FBXO21: variants seen among roughly 807,000 people sequenced by gnomAD.
FBXO21 encodes the protein F-box protein 21.
FBXO21 carries 32 observed loss-of-function variants against 76.6 expected under a neutral mutation model. The observed-to-expected ratio is 0.42, with a 90% CI of 0.32 to 0.56. The LOEUF (loss-of-function observed/expected upper bound fraction) is 0.56, where lower values mean the gene tolerates loss of function less well. Ranked by LOEUF, FBXO21 falls within the 20% of genes least tolerant of loss-of-function variation. FBXO21 has a pLI of 0.16. For missense variants in FBXO21, 586 were observed against 797.3 expected (o/e 0.73, Z 3.19); for synonymous variants, 328 against 311.5 (o/e 1.05, Z -0.56).
chr12:117,189,154 T>G, intron 2 of FBXO21, 73 bp downstream of exon 2: 1 of 1,557,942 alleles, frequency 6.4e-7, no homozygotes, highest in Non-Finnish European at 8.8e-7. Context: ...AAGAGCTGGA[T>G]GAGCTCATGC....
intron 3 of FBXO21, among the ~76,000 whole-genome samples, chr12:117,186,126 C>T (rs2135888273): frequency 6.6e-6 from 1 of 152,320 alleles, no homozygotes; most frequent in East Asian, 1.9e-4. Flanking sequence ...ATCCGCCCAT[C>T]TCGGCCTCCC....
chr12:117,160,149 A>G (rs1955961474), intron 9 of FBXO21, among the ~76,000 whole-genome samples: 1 of 152,172 alleles, frequency 6.6e-6, no homozygotes, highest in African/African-American at 2.4e-5. Flanking sequence ...AAGAGACACT[A>G]GGCTTTGGGG....
At chr12:117,151,026 T>G (rs1592867212) in intron 11 of FBXO21, among the ~76,000 whole-genome samples, 1 of 144,132 alleles carries the variant, frequency 6.9e-6, no homozygotes, top group African/African-American at 2.6e-5. Context: ...ACTGTATGGG[T>G]GGAAAGTTGA....
At position 117,189,211 on chromosome 12, in the gene FBXO21, A is replaced by T. The variant is rs201213329; in HGVS notation, c.375+16T>A. 99 of 1,614,084 alleles carry T rather than the reference A, an allele frequency of 6.1e-5. No individual in the cohort carries two copies. Among genetic ancestry groups the T allele is most frequent in the South Asian group, 2.2e-5 (2 of 91,096 alleles). ...CCAGCAAGCCAAAGCTTAGAGCCAC[A>T]TCAACAGATCCTTACGTGCTCTGAA... On this transcript the variant is annotated intron_variant, in intron 2 of 11. Transcript: ENST00000622495.
chr12:117,185,710 G>A (rs958542069), intron 3 of FBXO21, among the ~76,000 whole-genome samples: 1 of 152,164 alleles, frequency 6.6e-6, no homozygotes, highest in African/African-American at 2.4e-5. Context: ...GAACAAAGTA[G>A]ATTATTTTGT....
intron 2 of FBXO21, 156 bp downstream of exon 2, chr12:117,189,071 A>G: frequency 1.3e-6 from 1 of 797,970 alleles, no homozygotes; most frequent in Admixed American, 2.4e-5. Context: ...GATAGGAGGA[A>G]AAGGACACAA....
At chr12:117,157,782 C>T (rs1955933689) in intron 10 of FBXO21, 91 bp downstream of exon 10, 1 of 1,145,470 alleles carries the variant, frequency 8.7e-7, no homozygotes, top group Non-Finnish European at 1.2e-6. Flanking sequence ...AGCTCCTCCT[C>T]CACTGTGTCC....
intron 11 of FBXO21, among the ~76,000 whole-genome samples, chr12:117,153,179 G>A (rs939900745): frequency 1.3e-4 from 20 of 151,932 alleles, no homozygotes; most frequent in African/African-American, 4.8e-4. Flanking sequence ...GGAGGCAGGT[G>A]CCAGTTAGGA....
chr12:117,145,509 A>C lies in FBXO21; in HGVS notation c.*578T>G, dbSNP rs1286049597. The C allele has an allele frequency of 2.0e-5, 3 of 152,228 alleles. No individual in the cohort carries two copies. The highest frequency in any genetic ancestry group is 4.8e-5 in the African/African-American group (2 of 41,454). The allele number at this position is 152,228 out of a possible 1,614,324, so 9.4% of individuals were successfully genotyped here. A position where few individuals can be genotyped will look rare whatever the true frequency, so the allele number is the denominator to read the frequency against. On this transcript the variant is annotated 3_prime_UTR_variant, in exon 12 of 12. Transcript: ENST00000622495. Reference sequence around the variant, plus strand: ...ATCTGTGTTTCACATATTAGAAAAAAATAAATTCAAATGATTCTAATTACC... The same window carrying C: ...ATCTGTGTTTCACATATTAGAAAAACATAAATTCAAATGATTCTAATTACC...
At position 117,177,973 on chromosome 12, in the gene FBXO21, G is replaced by T. The variant is rs1324999079; in HGVS notation, c.471-332C>A. Among the ~76,000 whole-genome samples, 3 of 152,120 alleles carry T rather than the reference G, an allele frequency of 2.0e-5. No individual in the cohort carries two copies. The South Asian group carries it at 6.2e-4, about 32-fold the overall frequency. On this transcript the variant is annotated intron_variant, in intron 3 of 11. Transcript: ENST00000622495. ...TCTAGAACCTTTTGCTGGTCCCCCT[G>T]CTTGGGCCACTTGGGCCTGGGCACT...
intron 9 of FBXO21, among the ~76,000 whole-genome samples, chr12:117,163,394 G>C (rs370419209): frequency 6.6e-6 from 1 of 151,922 alleles, no homozygotes; most frequent in Admixed American, 6.6e-5. Context: ...TTAACCAGAC[G>C]TGGTGGCACG....
chr12:117,154,793 T>C (rs1210437177), intron 11 of FBXO21, among the ~76,000 whole-genome samples: 1 of 152,204 alleles, frequency 6.6e-6, no homozygotes, highest in Non-Finnish European at 1.5e-5. Context: ...CTGAGGTTTT[T>C]ATACATCCCA....
rs770837174 is a variant in FBXO21, at chr12:117,177,497, C to A, written c.592+23G>T. 3 of 1,605,826 alleles carry A rather than the reference C, an allele frequency of 1.9e-6. No homozygotes were observed. In the South Asian group the frequency reaches 3.3e-5, roughly 18 times the overall value. On this transcript the variant is annotated intron_variant, in intron 4 of 11. Transcript: ENST00000622495. The stretch of plus-strand genomic sequence containing the variant: ...AGTTACCTACAGAAATACTACTGTC[C>A]ACATATATGGGAAAAGACCCACCTT...
At position 117,167,047 on chromosome 12, in the gene FBXO21, G is replaced by A; in HGVS notation, c.1044C>T (p.Tyr348=). 6.2e-7 allele frequency: 1 copy of A among 1,614,092 alleles called. No individual in the cohort carries two copies. The highest frequency in any genetic ancestry group is 8.5e-7 in the Non-Finnish European group (1 of 1,180,016). The part of the protein sequence containing the change: ...GATLDIFDYI[Y]IDAFGKGKQL... ...GCTTGCCTTTCCCAAAAGCATCTATGTAGATGTAGTCAAAGATGTCCAGGG... is the reference window on the plus strand; with the variant it reads ...GCTTGCCTTTCCCAAAAGCATCTATATAGATGTAGTCAAAGATGTCCAGGG... Residue 348 remains tyrosine (Y), a synonymous_variant, in exon 8 of 12, where the codon TAC becomes TAT. Transcript: ENST00000622495.
chr12:117,175,157 C>T (rs527510404), intron 4 of FBXO21, among the ~76,000 whole-genome samples: 117 of 152,198 alleles, frequency 7.7e-4, no homozygotes, highest in Non-Finnish European at 1.4e-3. Context: ...GGTTCCAAAT[C>T]CAACAACTCT....
chr12:117,171,348 AC>A (rs1250066283), intron 7 of FBXO21, among the ~76,000 whole-genome samples: 22 of 123,322 alleles, frequency 1.8e-4, no homozygotes, highest in Non-Finnish European at 3.0e-4. Flanking sequence ...GCACAGCCAG[AC>A]CCTGTCTCAA....
intron 11 of FBXO21, chr12:117,154,118 G>C (rs1461551441): frequency 1.3e-5 from 2 of 152,220 alleles, no homozygotes; most frequent in Admixed American, 6.5e-5. Flanking sequence ...CAGGTGACTT[G>C]TGCTGGCACC....
At position 117,142,780 on chromosome 12, in the gene FBXO21, A is replaced by G. The variant is rs1030530042; in HGVS notation, c.*3307T>C. 1.3e-5 allele frequency: 2 copies of G among 152,046 alleles called. No individual in the cohort carries two copies. Among genetic ancestry groups the G allele is most frequent in the Middle Eastern group, 3.4e-3 (1 of 294 alleles). 9.4% of individuals were successfully genotyped at this position (152,046 alleles called of 1,614,324 possible). A position where few individuals can be genotyped will look rare whatever the true frequency, so the allele number is the denominator to read the frequency against. ...AAAAAGTTGCTGGTAGTCTGAGTTC[A>G]CTTACTTGGAGTATGGACTAAGGAG... On this transcript the variant is annotated 3_prime_UTR_variant, in exon 12 of 12. Coordinates refer to ENST00000622495, the MANE Select transcript of FBXO21 (RefSeq NM_015002.3).
At chr12:117,163,401 C>T (rs939000168) in intron 9 of FBXO21, among the ~76,000 whole-genome samples, 5 of 151,916 alleles carry the variant, frequency 3.3e-5, no homozygotes, top group Admixed American at 3.3e-4. Flanking sequence ...GACGTGGTGG[C>T]ACGTGTCTGT....
Sources: allele counts gnomAD v4.1 joint callset (sites outside exome capture counted in the v4.1 genomes callset), GRCh38; gene constraint gnomAD v4.1.1; transcripts MANE v1.5; gene names NCBI Gene and HGNC (gene_info 2026-07-23, HGNC 2026-07-21).